Variants in KATNAL1 observed in about 807,000 individuals in gnomAD.
The protein encoded by KATNAL1 is katanin catalytic subunit A1 like 1.
In KATNAL1, 32 loss-of-function variants were observed where a neutral mutation model predicts 55.2. The ratio of observed to expected loss-of-function variants is 0.58; its 90% CI spans 0.44 to 0.78. The LOEUF is 0.78. Ranked by LOEUF, KATNAL1 falls within the 30% of genes least tolerant of loss-of-function variation. The pLI is 0.00. For synonymous variants in KATNAL1, 193 were observed against 193.6 expected (o/e 1.00, Z 0.02); for missense variants, 466 against 600.9 (o/e 0.78, Z 2.35).
chr13:30,247,122 A>G (rs1377738230), intron 4 of KATNAL1, among the ~76,000 whole-genome samples: 1 of 152,198 alleles, frequency 6.6e-6, no homozygotes, highest in Non-Finnish European at 1.5e-5. Flanking sequence ...AAGGACACGC[A>G]GCTAGATCCT....
At chr13:30,280,248 T>G in intron 2 of KATNAL1, 25 bp from the exon 3 acceptor site, 1 of 1,541,924 alleles carries the variant, frequency 6.5e-7, no homozygotes, top group Non-Finnish European at 8.7e-7. Flanking sequence ...ATAGGCTTTA[T>G]GCTAGAAGCT....
intron 4 of KATNAL1, among the ~76,000 whole-genome samples, chr13:30,251,641 T>C (rs922666738): frequency 1.3e-5 from 2 of 152,204 alleles, no homozygotes; most frequent in African/African-American, 4.8e-5. Context: ...TTCTACTCCT[T>C]CTAAATTACC....
At chr13:30,249,054 G>A (rs1447444304) in intron 4 of KATNAL1, among the ~76,000 whole-genome samples, 32 of 103,670 alleles carry the variant, frequency 3.1e-4, no homozygotes, top group Non-Finnish European at 4.9e-4. Context: ...GCGAGACTCC[G>A]TCTCAAAAAA....
At chr13:30,272,678 G>A (rs75474261) in intron 3 of KATNAL1, among the ~76,000 whole-genome samples, 2,551 of 151,890 alleles carry the variant, frequency 0.017, 70 homozygotes, top group African/African-American at 0.057. Flanking sequence ...AAGTTTTTAG[G>A]CACTTATTGT....
chr13:30,263,338 C>G (rs1231900574), intron 3 of KATNAL1, among the ~76,000 whole-genome samples: 1 of 151,964 alleles, frequency 6.6e-6, no homozygotes, highest in Non-Finnish European at 1.5e-5. Flanking sequence ...CTCACCACTC[C>G]TATTCAACAT....
chr13:30,212,593 CAT>C (rs1873795032), intron 9 of KATNAL1, among the ~76,000 whole-genome samples: 1 of 152,234 alleles, frequency 6.6e-6, no homozygotes, highest in Non-Finnish European at 1.5e-5. Flanking sequence ...CTTTGGAAAA[CAT>C]ATTGAATTCA....
In KATNAL1 at chr13:30,249,046, G is replaced by A. The variant is rs567179441; in HGVS notation, c.492+6401C>T. On this transcript the variant is annotated intron_variant, in intron 4 of 10. Coordinates refer to ENST00000380615, the MANE Select transcript of KATNAL1 (RefSeq NM_032116.5). The stretch of plus-strand genomic sequence containing the variant: ...TGCACTCCAGCCTGGGCAACAGAGC[G>A]AGACTCCGTCTCAAAAAAAAAAAAA... Among the ~76,000 whole-genome samples, 23 of 143,438 alleles carry A rather than the reference G, an allele frequency of 1.6e-4. 1 individual carries two copies. In the South Asian group the frequency reaches 3.0e-3, roughly 19 times the overall value. The allele number at this position is 143,438 out of a possible 152,430, so 94.1% of individuals were successfully genotyped here.
Position 30,208,618 on chromosome 13 carries a change from T to G in KATNAL1, c.1395A>C (p.Leu465=). Residue 465 remains leucine, a synonymous_variant, in exon 11 of 11, where the codon CTA becomes CTC. Transcript: ENST00000380615. Reference sequence around the variant, plus strand: ...CAGAGACAGACTTAGCAATTTTCTTTAGGGCCAATTCAAAGTCTCCTTTGG... The same window carrying G: ...CAGAGACAGACTTAGCAATTTTCTTGAGGGCCAATTCAAAGTCTCCTTTGG... ...PVTKGDFELA[L]KKIAKSVSAA... is the part of the protein sequence containing the mutation. 1 of 1,613,874 alleles carries G rather than the reference T, an allele frequency of 6.2e-7. No individual in the cohort carries two copies. The highest frequency in any genetic ancestry group is 1.3e-5 in the African/African-American group (1 of 75,064).
rs768144597 is a variant in KATNAL1 at position 30,231,381 on chromosome 13, G to A, written c.818C>T (p.Ser273Leu). ...GTATTTAGATGTCAGTGTAGAAGAC[G>A]AAACGTTGAAGAATGTTGTACCACA... ...TECGTTFFNV[S>L]SSTLTSKYRG... Residue 273 changes from serine (S) to leucine (L), a missense_variant, in exon 7 of 11, where the codon TCG becomes TTG. By Grantham distance (145) the Ser-to-Leu change is moderately radical. This residue lies in a region of KATNAL1 where 213 missense variants were observed against 308.6 expected (regional missense o/e 0.69). Coordinates refer to ENST00000380615, the MANE Select transcript of KATNAL1 (RefSeq NM_032116.5). 1.7e-5 allele frequency: 27 copies of A among 1,609,528 alleles called. No homozygotes were observed. The highest frequency in any genetic ancestry group is 1.3e-4 in the African/African-American group (10 of 74,836).
intron 6 of KATNAL1, among the ~76,000 whole-genome samples, chr13:30,232,670 G>A (rs1393645223): frequency 2.0e-5 from 3 of 152,122 alleles, no homozygotes; most frequent in Non-Finnish European, 4.4e-5. Context: ...TCCTATAGGA[G>A]TTAATTTCTA....
chr13:30,261,018 C>A (rs1879243853), intron 3 of KATNAL1, among the ~76,000 whole-genome samples: 1 of 152,002 alleles, frequency 6.6e-6, no homozygotes, highest in African/African-American at 2.4e-5. Flanking sequence ...AACAGCGGAT[C>A]TCTCGGCAGA....
intron 3 of KATNAL1, among the ~76,000 whole-genome samples, chr13:30,269,796 G>A (rs1307608994): frequency 6.9e-6 from 1 of 145,848 alleles, no homozygotes; most frequent in Non-Finnish European, 1.5e-5. Context: ...CCCTCCGCCC[G>A]GCAGCCGCCC....
intron 9 of KATNAL1, among the ~76,000 whole-genome samples, chr13:30,214,876 G>A (rs1227859253): frequency 2.6e-5 from 4 of 151,392 alleles, no homozygotes; most frequent in Admixed American, 1.3e-4. Context: ...AGGACTTCAC[G>A]TCTAAAACAC....
chr13:30,274,881 GCA>G lies in KATNAL1; in HGVS notation c.323+5180_323+5181del, dbSNP rs1395944506. On this transcript the variant is annotated intron_variant, in intron 3 of 10. Transcript: ENST00000380615. Reference sequence around the variant, plus strand: ...CATATATGTTGGGGGCGGGGTGTGTGCACACACATACGCGCGCGCGCGCGCGC... The same window carrying G: ...CATATATGTTGGGGGCGGGGTGTGTGCACACATACGCGCGCGCGCGCGCGC... 1.7e-3 allele frequency among the ~76,000 whole-genome samples: 225 copies of G among 135,610 alleles called. 1 individual carries two copies. Among genetic ancestry groups the G allele is most frequent in the African/African-American group, 4.6e-3 (164 of 36,022 alleles). 89.0% of individuals were successfully genotyped at this position (135,610 alleles called of 152,430 possible).
intron 8 of KATNAL1, among the ~76,000 whole-genome samples, chr13:30,230,072 ACTC>A (rs972643987): frequency 3.3e-5 from 5 of 151,658 alleles, no homozygotes; most frequent in African/African-American, 1.2e-4. Context: ...CCTCTCGAAA[ACTC>A]TACTGTACAC....
At chr13:30,304,556 C>T (rs1883067272) in intron 1 of KATNAL1, among the ~76,000 whole-genome samples, 1 of 152,212 alleles carries the variant, frequency 6.6e-6, no homozygotes, top group Non-Finnish European at 1.5e-5. Flanking sequence ...GCGCGAGCCA[C>T]TGCGCCCGGC....
chr13:30,231,269 A>C, intron 7 of KATNAL1, 45 bp downstream of exon 7: 1 of 1,482,532 alleles, frequency 6.7e-7, no homozygotes, highest in East Asian at 2.4e-5. Context: ...GGGGCATCAT[A>C]GGCCTACACA....
At chr13:30,288,653 A>G (rs1017786284) in intron 1 of KATNAL1, among the ~76,000 whole-genome samples, 3 of 152,232 alleles carry the variant, frequency 2.0e-5, no homozygotes, top group Non-Finnish European at 1.5e-5. Context: ...TGCATCACAA[A>G]TTGATTTCTA....
chr13:30,271,820 C>A (rs911150737), intron 3 of KATNAL1, among the ~76,000 whole-genome samples: 1 of 129,078 alleles, frequency 7.7e-6, no homozygotes, highest in Non-Finnish European at 1.6e-5. Flanking sequence ...AAGCTAAGGA[C>A]TAGGGAGCAA....
Sources: allele counts gnomAD v4.1 joint callset (sites outside exome capture counted in the v4.1 genomes callset), GRCh38; gene constraint gnomAD v4.1.1; regional missense constraint gnomAD v4.1.1; transcripts MANE v1.5; gene names NCBI Gene and HGNC (gene_info 2026-07-23, HGNC 2026-07-21).